CELSR1: variants seen among roughly 807,000 people sequenced by gnomAD.
CELSR1 encodes the protein adhesion G protein-coupled receptor C1.
In CELSR1, 110 loss-of-function variants were observed where a neutral mutation model predicts 249.1. That is an observed-to-expected ratio of 0.44 (90% CI 0.38 to 0.52). The LOEUF is 0.52. CELSR1 is among the 20% of genes least tolerant of loss of function. The pLI, the probability that CELSR1 is intolerant of heterozygous loss-of-function variation, is 0.00. For synonymous variants in CELSR1, 2,113 were observed against 1,900.0 expected, an observed-to-expected ratio of 1.11 and a Z score of -2.92; for missense variants, 4,109 against 4,296.4, an observed-to-expected ratio of 0.96 and a Z score of 1.22.
chr22:46,508,041 T>A (rs1004908492), intron 1 of CELSR1, among the ~76,000 whole-genome samples: 3 of 152,190 alleles, frequency 2.0e-5, no homozygotes, highest in African/African-American at 4.8e-5. Context: ...CCAGCAACGC[T>A]GTCATCATCA....
chr22:46,407,635 AAAAAC>A lies in CELSR1; in HGVS notation c.5226+1356_5226+1360del, dbSNP rs1555911901. 2.6e-5 allele frequency among the ~76,000 whole-genome samples: 4 copies of A among 152,264 alleles called. No individual in the cohort carries two copies. The highest frequency in any genetic ancestry group is 1.9e-4 in the East Asian group (1 of 5,180). Reference sequence around the variant, plus strand: ...CAACAAGAGCAAAACTTTATCTCAAAAAAACAAAACAAAACAAAACAAAAAAAACC... The same window carrying A: ...CAACAAGAGCAAAACTTTATCTCAAAAAAACAAAACAAAACAAAAAAAACC... On this transcript the variant is annotated intron_variant, in intron 9 of 34. Transcript: ENST00000674500. This position sits in a 1 kb window ranked among gnomAD's most constrained non-coding sequence, Gnocchi z 4.8.
intron 1 of CELSR1, among the ~76,000 whole-genome samples, chr22:46,520,450 T>C (rs78032973): frequency 2.0e-5 from 3 of 152,078 alleles, no homozygotes; most frequent in African/African-American, 7.2e-5. Context: ...ATAATACGGA[T>C]CTTAACATGG....
intron 1 of CELSR1, among the ~76,000 whole-genome samples, chr22:46,507,630 G>A (rs1009662229): frequency 2.6e-5 from 4 of 152,026 alleles, no homozygotes; most frequent in East Asian, 3.9e-4. Flanking sequence ...GCTGTGACCC[G>A]CCTCCTCCTC....
intron 14 of CELSR1, among the ~76,000 whole-genome samples, chr22:46,392,200 TGGGTGGGTCA>T (rs2079100970): frequency 6.6e-6 from 1 of 152,240 alleles, no homozygotes; most frequent in African/African-American, 2.4e-5. Context: ...CGTCCACCAT[TGGGTGGGTCA>T]GGGTGACAAT....
chr22:46,477,260 C>G (rs2080218458), intron 1 of CELSR1, among the ~76,000 whole-genome samples: 1 of 152,272 alleles, frequency 6.6e-6, no homozygotes, highest in African/African-American at 2.4e-5. Flanking sequence ...GAAGCCCACA[C>G]AGGCCCACCC....
intron 1 of CELSR1, among the ~76,000 whole-genome samples, chr22:46,502,921 A>G (rs1343684603): frequency 6.6e-6 from 1 of 152,232 alleles, no homozygotes; most frequent in East Asian, 1.9e-4. Context: ...GGAGACAGCA[A>G]GCTGCACAAG....
rs767324583 is a variant in CELSR1, at chr22:46,406,415, G to A, written c.5226+2581C>T. Among the ~76,000 whole-genome samples, 1 of 152,200 alleles carries A rather than the reference G, an allele frequency of 6.6e-6. No homozygotes were observed. Among genetic ancestry groups the A allele is most frequent in the Non-Finnish European group, 1.5e-5 (1 of 68,036 alleles). On this transcript the variant is annotated intron_variant, in intron 9 of 34. Coordinates refer to ENST00000674500, the MANE Select transcript of CELSR1 (RefSeq NM_001378328.1). The surrounding 1 kb of genome is among the most constrained non-coding windows in gnomAD (Gnocchi z 5.4). Reference sequence around the variant, plus strand: ...TGGAAAATGCTCCCGAGCTGTGATGGGGAGGAACAGGAGGCTCCCTGTCCA... The same window carrying A: ...TGGAAAATGCTCCCGAGCTGTGATGAGGAGGAACAGGAGGCTCCCTGTCCA...
chr22:46,507,191 A>C (rs946833990), intron 1 of CELSR1, among the ~76,000 whole-genome samples: 2 of 152,164 alleles, frequency 1.3e-5, no homozygotes, highest in Non-Finnish European at 2.9e-5. Flanking sequence ...TGTCTAAAAA[A>C]GAAAACAAAA....
intron 1 of CELSR1, among the ~76,000 whole-genome samples, chr22:46,508,423 A>G (rs1424045331): frequency 2.9e-4 from 20 of 69,564 alleles, no homozygotes; most frequent in African/African-American, 1.1e-3. Flanking sequence ...GGTCATCCCC[A>G]CCCTGTGGCC....
In CELSR1 at chr22:46,537,517, C is replaced by G. The variant is rs2147835215; in HGVS notation, c.-347G>C. On this transcript the variant is annotated 5_prime_UTR_variant, in exon 1 of 35. Coordinates refer to ENST00000674500, the MANE Select transcript of CELSR1 (RefSeq NM_001378328.1). The surrounding 1 kb of genome is among the most constrained non-coding windows in gnomAD (Gnocchi z 5.8). ...GGCTCGGCCGGACGGGCGTGGGAAGCGGGGCGGGCCCGGCGCGGGGCGGGG... is the reference window on the plus strand; with the variant it reads ...GGCTCGGCCGGACGGGCGTGGGAAGGGGGGCGGGCCCGGCGCGGGGCGGGG... Among the ~76,000 whole-genome samples the G allele has an allele frequency of 6.7e-6, 1 of 148,616 alleles. No homozygotes were observed. Among genetic ancestry groups the G allele is most frequent in the Non-Finnish European group, 1.5e-5 (1 of 66,800 alleles).
intron 1 of CELSR1, among the ~76,000 whole-genome samples, chr22:46,474,436 G>A (rs1284297592): frequency 6.6e-6 from 1 of 152,064 alleles, no homozygotes; most frequent in Non-Finnish European, 1.5e-5. Flanking sequence ...CCTCAGACAA[G>A]CACCCCCGGC....
At position 46,367,814 on chromosome 22, in the gene CELSR1, C is replaced by G; in HGVS notation, c.7994G>C (p.Ser2665Thr). The change falls in exon 28 of 35, where the codon AGC (serine) becomes ACC (threonine). Residue 2665 changes from serine (S) to threonine (T), a missense_variant. Physicochemically the swap from Ser to Thr is moderately conservative, Grantham distance 58. This residue lies in a region of CELSR1 where 1,805 missense variants were observed against 1,831.6 expected (regional missense o/e 0.99). Transcript: ENST00000674500. ...RTAFLLLLLISATWLLGLLAV... is the reference protein window; with the variant it reads ...RTAFLLLLLITATWLLGLLAV... ...CAGCAGCCCCAGCAGCCAGGTGGCGCTGATGAGCAGCAGCAGGAGGAATGC... is the reference window on the plus strand; with the variant it reads ...CAGCAGCCCCAGCAGCCAGGTGGCGGTGATGAGCAGCAGCAGGAGGAATGC... 1 of 1,611,922 alleles carries G rather than the reference C, an allele frequency of 6.2e-7. No homozygotes were observed. Among genetic ancestry groups the G allele is most frequent in the Non-Finnish European group, 8.5e-7 (1 of 1,179,758 alleles).
intron 2 of CELSR1, among the ~76,000 whole-genome samples, chr22:46,449,835 C>T (rs947206660): frequency 6.6e-6 from 1 of 152,138 alleles, no homozygotes. Context: ...AAAGGGTGGG[C>T]ACAGCTAAGG....
chr22:46,390,254 G>A lies in CELSR1; in HGVS notation c.6345+138C>T. On this transcript the variant is annotated intron_variant, in intron 17 of 34. Transcript: ENST00000674500. This position sits in a 1 kb window ranked among gnomAD's most constrained non-coding sequence, Gnocchi z 6.3. ...GGAACCTGCTGGCTCCAGGCTGCGGGCCCGTGGGGCTGTCCCTGCGCCATC... is the reference window on the plus strand; with the variant it reads ...GGAACCTGCTGGCTCCAGGCTGCGGACCCGTGGGGCTGTCCCTGCGCCATC... The A allele has an allele frequency of 1.5e-6, 1 of 645,366 alleles. No homozygotes were observed. The highest frequency in any genetic ancestry group is 2.5e-6 in the Non-Finnish European group (1 of 393,464). The allele number at this position is 645,366 out of a possible 1,614,324, so 40.0% of individuals were successfully genotyped here.
chr22:46,527,114 G>A lies in CELSR1; in HGVS notation c.3544+6513C>T, dbSNP rs773820206. Reference sequence around the variant, plus strand: ...CTGTCCTTGGTTTGCTCATCTCTAGGATGGAGGTGGCGACGGTACTTTCCA... The same window carrying A: ...CTGTCCTTGGTTTGCTCATCTCTAGAATGGAGGTGGCGACGGTACTTTCCA... On this transcript the variant is annotated intron_variant, in intron 1 of 34. Transcript: ENST00000674500. This position sits in a 1 kb window ranked among gnomAD's most constrained non-coding sequence, Gnocchi z 5.5. Among the ~76,000 whole-genome samples the A allele has an allele frequency of 7.2e-5, 11 of 152,158 alleles. No homozygotes were observed. The highest frequency in any genetic ancestry group is 1.2e-4 in the Non-Finnish European group (8 of 68,034).
Position 46,533,170 on chromosome 22 carries a change from C to T in CELSR1, c.3544+457G>A, listed in dbSNP as rs375565690. ...GCTGCATTATAGGGTGACTCAGGGA[C>T]CCATCTGACAATTCCAACGGTCCCA... On this transcript the variant is annotated intron_variant, in intron 1 of 34. Transcript: ENST00000674500. Among the ~76,000 whole-genome samples the T allele has an allele frequency of 3.0e-4, 45 of 152,308 alleles. No homozygotes were observed. The South Asian group carries it at 8.9e-3, about 30-fold the overall frequency.
intron 19 of CELSR1, among the ~76,000 whole-genome samples, chr22:46,385,623 T>G (rs1467962263): frequency 1.3e-5 from 2 of 151,724 alleles, no homozygotes; most frequent in Non-Finnish European, 2.9e-5. Flanking sequence ...ACAGACTGTC[T>G]TCCCAAAGGC....
chr22:46,367,083 G>C lies in CELSR1; in HGVS notation c.8115C>G (p.Asn2705Lys). ...PFVLLFHCVL[N>K]QEVRKHLKGV... ...CCTTCAGGTGCTTCCGGACCTCCTG[G>C]TTGAGCACGCAGTGGAAAAGGAGGA... is the stretch of plus-strand genomic sequence containing the variant. The change falls in exon 29 of 35, where the codon AAC (asparagine) becomes AAG (lysine). Residue 2705 changes from asparagine (N) to lysine (K), a missense_variant. Asn to Lys is a moderately conservative substitution (Grantham distance 94). This residue lies in a region of CELSR1 where 1,805 missense variants were observed against 1,831.6 expected (regional missense o/e 0.99). Transcript: ENST00000674500. 1 of 1,611,670 alleles carries C rather than the reference G, an allele frequency of 6.2e-7. No homozygotes were observed. The highest frequency in any genetic ancestry group is 8.5e-7 in the Non-Finnish European group (1 of 1,179,744).
At chr22:46,422,294 G>C (rs2079483352) in intron 5 of CELSR1, among the ~76,000 whole-genome samples, 1 of 151,950 alleles carries the variant, frequency 6.6e-6, no homozygotes, top group Non-Finnish European at 1.5e-5. Context: ...TTTTAGTAGA[G>C]ATGGGGTTTT....
Sources: gnomAD v4.1 joint callset for allele counts (sites outside exome capture counted in the v4.1 genomes callset) on GRCh38, gnomAD v4.1.1 for gene constraint, gnomAD v4.1.1 regional missense constraint, Gnocchi (gnomAD v3.1) non-coding constraint, MANE v1.5 for transcripts, NCBI Gene and HGNC (gene_info 2026-07-23, HGNC 2026-07-21) for gene names.